The following MEMO1 variants were observed in gnomAD, a reference collection of about 807,000 sequenced individuals.
The protein encoded by MEMO1 is protein MEMO1.
Under a neutral mutation model 45.2 loss-of-function variants are expected in MEMO1, and 6 were observed. The ratio of observed to expected loss-of-function variants is 0.13; its 90% CI spans 0.07 to 0.26. The LOEUF (loss-of-function observed/expected upper bound fraction) is 0.26. Among genes scored for constraint, MEMO1 ranks in the 10% least tolerant of loss-of-function variants. MEMO1 has a pLI of 1.00. For synonymous variants in MEMO1, 78 were observed against 124.3 expected, an observed-to-expected ratio of 0.63 and a Z score of 2.48; for missense variants, 184 against 370.5, an observed-to-expected ratio of 0.50 and a Z score of 4.13.
intron 2 of MEMO1, among the ~76,000 whole-genome samples, chr2:31,955,802 T>C (rs2148383891): frequency 6.6e-6 from 1 of 152,196 alleles, no homozygotes; most frequent in Middle Eastern, 3.4e-3. Flanking sequence ...AAGACAGGGT[T>C]TTACCATGTT....
intron 8 of MEMO1, among the ~76,000 whole-genome samples, chr2:31,880,232 A>G (rs1471078369): frequency 6.6e-6 from 1 of 152,230 alleles, no homozygotes; most frequent in Non-Finnish European, 1.5e-5. Flanking sequence ...AAGTTTTCTG[A>G]GGCAACTGAG....
At chr2:31,989,839 G>A (rs931716464) in intron 2 of MEMO1, among the ~76,000 whole-genome samples, 4 of 152,026 alleles carry the variant, frequency 2.6e-5, no homozygotes, top group East Asian at 1.9e-4. Context: ...AATTTTGGCC[G>A]GGTGTGGTGG....
chr2:31,880,141 A>C (rs535244998), intron 8 of MEMO1, among the ~76,000 whole-genome samples: 9 of 152,224 alleles, frequency 5.9e-5, no homozygotes, highest in Non-Finnish European at 1.2e-4. Flanking sequence ...TACTGCACAG[A>C]GTACCGGACA....
intron 2 of MEMO1, among the ~76,000 whole-genome samples, chr2:31,997,731 T>C (rs1028528980): frequency 1.3e-5 from 2 of 152,188 alleles, no homozygotes; most frequent in African/African-American, 2.4e-5. Flanking sequence ...GCAGAGGTCA[T>C]AGTATGTAAG....
chr2:31,960,326 A>C (rs894294694), intron 2 of MEMO1, among the ~76,000 whole-genome samples: 5 of 152,194 alleles, frequency 3.3e-5, no homozygotes, highest in African/African-American at 1.2e-4. Context: ...GATAATTAAA[A>C]ATACTAGCAT....
intron 2 of MEMO1, among the ~76,000 whole-genome samples, chr2:31,945,869 T>A (rs1270915643): frequency 4.6e-5 from 7 of 152,234 alleles, no homozygotes; most frequent in Admixed American, 4.6e-4. Context: ...ACAAACTATG[T>A]GTGACAAATG....
rs539706761 is a variant in MEMO1, at chr2:31,910,849, G to A, written c.437+7077C>T. On this transcript the variant is annotated intron_variant, in intron 6 of 9. Coordinates refer to ENST00000404530, the MANE Select transcript of MEMO1 (RefSeq NM_001301833.4). ...TGCACTCCAGCCTAAATAAGAGTAA[G>A]AGCCCGTCTCAAAAAAATAAAAAAT... Among the ~76,000 whole-genome samples, 7 of 152,108 alleles carry A rather than the reference G, an allele frequency of 4.6e-5. No individual in the cohort carries two copies. In the South Asian group the frequency reaches 1.5e-3, roughly 32 times the overall value.
chr2:31,959,907 G>T (rs768067108), intron 2 of MEMO1, among the ~76,000 whole-genome samples: 1 of 152,148 alleles, frequency 6.6e-6, no homozygotes, highest in Non-Finnish European at 1.5e-5. Context: ...ATCTAAAAGT[G>T]CATTTTTTGA....
At chr2:31,913,046 A>G (rs535653696) in intron 6 of MEMO1, among the ~76,000 whole-genome samples, 134 of 152,270 alleles carry the variant, frequency 8.8e-4, no homozygotes, top group Admixed American at 1.0e-3. Flanking sequence ...TGGGAGGCCA[A>G]GGCGGGCGGA....
intron 2 of MEMO1, among the ~76,000 whole-genome samples, chr2:31,951,568 T>C (rs1666855254): frequency 6.6e-6 from 1 of 151,938 alleles, no homozygotes; most frequent in Non-Finnish European, 1.5e-5. Flanking sequence ...ACTCTCACTC[T>C]GTCACCCAGG....
At chr2:31,954,392 T>C (rs1451292614) in intron 2 of MEMO1, among the ~76,000 whole-genome samples, 1 of 152,172 alleles carries the variant, frequency 6.6e-6, no homozygotes, top group Non-Finnish European at 1.5e-5. Flanking sequence ...GTGACCAGCT[T>C]GGTCAACATA....
At chr2:31,925,801 C>CA (rs1229448439) in intron 4 of MEMO1, among the ~76,000 whole-genome samples, 1 of 152,174 alleles carries the variant, frequency 6.6e-6, no homozygotes. Flanking sequence ...ACCTTACTCA[C>CA]ACTAAGTTTA....
At chr2:31,885,883 C>G (rs1428359551) in intron 7 of MEMO1, among the ~76,000 whole-genome samples, 2 of 152,142 alleles carry the variant, frequency 1.3e-5, no homozygotes, top group Non-Finnish European at 2.9e-5. Flanking sequence ...AGTTGCTGTT[C>G]CAAATGGCTG....
At chr2:31,969,517 T>C (rs1043836988) in intron 2 of MEMO1, among the ~76,000 whole-genome samples, 7 of 151,732 alleles carry the variant, frequency 4.6e-5, no homozygotes, top group African/African-American at 1.7e-4. Context: ...GATATTAGGA[T>C]AACAAGTGAC....
chr2:31,993,657 T>G (rs188956645), intron 2 of MEMO1, among the ~76,000 whole-genome samples: 198 of 152,216 alleles, frequency 1.3e-3, no homozygotes, highest in African/African-American at 4.2e-3. Flanking sequence ...ACGCACAGGG[T>G]AAAACTCCAC....
intron 2 of MEMO1, among the ~76,000 whole-genome samples, chr2:31,992,716 G>A (rs1672096034): frequency 6.6e-6 from 1 of 152,116 alleles, no homozygotes; most frequent in East Asian, 1.9e-4. Flanking sequence ...CCCAGGAGAT[G>A]GAGGGTGCAG....
chr2:31,971,564 T>C (rs749093821), intron 2 of MEMO1, among the ~76,000 whole-genome samples: 1 of 152,022 alleles, frequency 6.6e-6, no homozygotes, highest in Non-Finnish European at 1.5e-5. Context: ...TTTTTAGAGA[T>C]AGAGTCTTGC....
intron 4 of MEMO1, chr2:31,923,749 C>A: frequency 1.3e-6 from 2 of 1,528,412 alleles, no homozygotes; most frequent in South Asian, 1.3e-5. Flanking sequence ...AACACACAGT[C>A]AAAATATGAA....
chr2:31,993,285 G>A (rs759997605), intron 2 of MEMO1, among the ~76,000 whole-genome samples: 1 of 152,140 alleles, frequency 6.6e-6, no homozygotes, highest in African/African-American at 2.4e-5. Context: ...GAAGTAACAG[G>A]TCCAAACAAC....
Sources: gnomAD v4.1 joint callset for allele counts (sites outside exome capture counted in the v4.1 genomes callset) on GRCh38, gnomAD v4.1.1 for gene constraint, MANE v1.5 for transcripts, NCBI Gene and HGNC (gene_info 2026-07-23, HGNC 2026-07-21) for gene names.